ALK: variants seen among roughly 807,000 people sequenced by gnomAD.
ALK encodes ALK receptor tyrosine kinase.
In ALK, 74 loss-of-function variants were observed where a neutral mutation model predicts 163.1. That is an observed-to-expected ratio of 0.45 (90% CI 0.38 to 0.55). The LOEUF (loss-of-function observed/expected upper bound fraction) is 0.55. Among genes scored for constraint, ALK ranks in the 20% least tolerant of loss-of-function variants. The pLI, the probability that ALK is intolerant of heterozygous loss-of-function variation, is 0.00. For missense variants in ALK, 2,063 were observed against 2,105.3 expected, an observed-to-expected ratio of 0.98 and a Z score of 0.39; for synonymous variants, 960 against 843.2, an observed-to-expected ratio of 1.14 and a Z score of -2.40.
chr2:29,510,700 C>T (rs1672486722), intron 4 of ALK, among the ~76,000 whole-genome samples: 2 of 152,152 alleles, frequency 1.3e-5, no homozygotes, highest in South Asian at 4.2e-4. Context: ...TGTTTATAGA[C>T]TGAGGAAACA....
intron 7 of ALK, among the ~76,000 whole-genome samples, chr2:29,319,804 T>A (rs1409273466): frequency 1.3e-5 from 2 of 152,246 alleles, no homozygotes; most frequent in Non-Finnish European, 2.9e-5. Flanking sequence ...CTCTGCGTCT[T>A]TTACAGACAG....
intron 1 of ALK, among the ~76,000 whole-genome samples, chr2:29,901,479 A>G (rs1667413660): frequency 6.6e-6 from 1 of 152,198 alleles, no homozygotes; most frequent in Non-Finnish European, 1.5e-5. Flanking sequence ...GTTTATGCTA[A>G]CTCAGTTCAA....
chr2:29,512,988 T>G (rs1035347412), intron 4 of ALK, among the ~76,000 whole-genome samples: 17 of 151,118 alleles, frequency 1.1e-4, no homozygotes, highest in South Asian at 4.2e-4. Context: ...CACTGCTCAA[T>G]GAAATAAAAG....
intron 3 of ALK, among the ~76,000 whole-genome samples, chr2:29,553,890 A>G (rs886311692): frequency 6.6e-6 from 1 of 152,038 alleles, no homozygotes; most frequent in African/African-American, 2.4e-5. Context: ...TCAGTTATCT[A>G]TTGGAGGCTT....
chr2:29,531,781 A>T, intron 4 of ALK, 134 bp downstream of exon 4: 1 of 918,986 alleles, frequency 1.1e-6, no homozygotes, highest in Non-Finnish European at 1.7e-6. Context: ...TATTAGTAGT[A>T]ATTGCTCAAC....
intron 1 of ALK, among the ~76,000 whole-genome samples, chr2:29,740,799 C>T (rs1221693183): frequency 1.3e-5 from 2 of 152,038 alleles, no homozygotes; most frequent in Non-Finnish European, 2.9e-5. Flanking sequence ...GCCAGGAGTT[C>T]GAGACCAGCC....
intron 1 of ALK, among the ~76,000 whole-genome samples, chr2:29,732,351 T>C (rs1220975195): frequency 6.6e-6 from 1 of 152,170 alleles, no homozygotes; most frequent in Non-Finnish European, 1.5e-5. Context: ...CTTTTCCACC[T>C]ACTCTGGGGT....
chr2:29,231,432 C>A (rs559803396), intron 15 of ALK, among the ~76,000 whole-genome samples: 6 of 152,330 alleles, frequency 3.9e-5, no homozygotes, highest in African/African-American at 1.4e-4. Context: ...AGCCCATTGG[C>A]TCTCCTGTAA....
chr2:29,233,328 T>C (rs998736665), intron 14 of ALK, among the ~76,000 whole-genome samples: 1 of 152,078 alleles, frequency 6.6e-6, no homozygotes, highest in East Asian at 1.9e-4. Context: ...TTTTTTTTGG[T>C]AGAGACAACG....
intron 1 of ALK, among the ~76,000 whole-genome samples, chr2:29,773,436 T>A (rs1334453349): frequency 2.0e-5 from 3 of 152,188 alleles, no homozygotes; most frequent in Non-Finnish European, 4.4e-5. Context: ...TACTTGTTGC[T>A]ACCAGGATAG....
chr2:29,387,364 C>A (rs1358129946), intron 4 of ALK, among the ~76,000 whole-genome samples: 1 of 152,144 alleles, frequency 6.6e-6, no homozygotes, highest in Non-Finnish European at 1.5e-5. Flanking sequence ...CACGGACCAG[C>A]CATTTTTGCA....
intron 11 of ALK, among the ~76,000 whole-genome samples, chr2:29,268,219 C>G (rs1665289265): frequency 6.6e-6 from 1 of 152,144 alleles, no homozygotes; most frequent in Non-Finnish European, 1.5e-5. Context: ...CTGGGTGAGT[C>G]TGTGCTATTT....
chr2:29,402,586 T>G (rs191654697), intron 4 of ALK, among the ~76,000 whole-genome samples: 5 of 152,356 alleles, frequency 3.3e-5, no homozygotes, highest in Non-Finnish European at 7.3e-5. Context: ...GTTTCTATTT[T>G]TTGGTTTCTA....
intron 3 of ALK, among the ~76,000 whole-genome samples, chr2:29,683,143 G>A (rs996468201): frequency 1.3e-4 from 20 of 152,258 alleles, no homozygotes; most frequent in South Asian, 2.1e-4. Flanking sequence ...TTGGGTGACC[G>A]AGGCAGGAGG....
At chr2:29,523,467 T>C (rs12988541) in intron 4 of ALK, among the ~76,000 whole-genome samples, 21,745 of 152,192 alleles carry the variant, frequency 0.14, 1,900 homozygotes, top group East Asian at 0.29. Flanking sequence ...GCATGACTCA[T>C]AGACATTTGT....
At chr2:29,247,903 T>C (rs982136563) in intron 12 of ALK, among the ~76,000 whole-genome samples, 1 of 152,184 alleles carries the variant, frequency 6.6e-6, no homozygotes, top group Admixed American at 6.5e-5. Context: ...CTTGTGTTTT[T>C]TTCAACAGAT....
At chr2:29,524,884 T>C (rs1672916366) in intron 4 of ALK, among the ~76,000 whole-genome samples, 1 of 151,584 alleles carries the variant, frequency 6.6e-6, no homozygotes, top group African/African-American at 2.4e-5. Flanking sequence ...AACGGATGGA[T>C]GGATGGGTAG....
chr2:29,880,343 T>C (rs1666823791), intron 1 of ALK, among the ~76,000 whole-genome samples: 1 of 151,982 alleles, frequency 6.6e-6, no homozygotes, highest in East Asian at 1.9e-4. Flanking sequence ...AGGAATGGGG[T>C]GATGGTCTGA....
chr2:29,320,646 C>T lies in ALK; in HGVS notation c.1546+105G>A, dbSNP rs1667003802. The T allele has an allele frequency of 5.9e-6, 9 of 1,532,740 alleles. No individual in the cohort carries two copies. The South Asian group carries it at 9.0e-5, about 15-fold the overall frequency. 94.9% of individuals were successfully genotyped at this position (1,532,740 alleles called of 1,614,324 possible). On this transcript the variant is annotated intron_variant, in intron 7 of 28. Coordinates refer to ENST00000389048, the MANE Select transcript of ALK (RefSeq NM_004304.5). ...GCTCTAGGCAAGCTTTGGTCAGACA[C>T]CCGAGCTTGCCCTGCAGGTGGGGTG...
Sources: allele counts gnomAD v4.1 joint callset (sites outside exome capture counted in the v4.1 genomes callset), GRCh38; gene constraint gnomAD v4.1.1; transcripts MANE v1.5; gene names NCBI Gene and HGNC (gene_info 2026-07-23, HGNC 2026-07-21).